NRG4: variants seen among roughly 807,000 people sequenced by gnomAD.
NRG4 encodes pro-neuregulin-4, membrane-bound isoform.
NRG4 carries 10 observed loss-of-function variants against 15.0 expected under a neutral mutation model. The observed-to-expected ratio is 0.67, with a 90% CI of 0.41 to 1.13. The LOEUF (loss-of-function observed/expected upper bound fraction) is 1.13, where lower values mean the gene tolerates loss of function less well. NRG4 is among the 50% of genes most tolerant of loss of function. The pLI is 0.00. For missense variants in NRG4, 139 were observed against 140.2 expected, an observed-to-expected ratio of 0.99 and a Z score of 0.04; for synonymous variants, 41 against 50.1, an observed-to-expected ratio of 0.82 and a Z score of 0.77.
Position 75,969,482 on chromosome 15 carries a change from A to G in NRG4, c.105-7508T>C, listed in dbSNP as rs138331040. Among the ~76,000 whole-genome samples, 6 of 152,368 alleles carry G rather than the reference A, an allele frequency of 3.9e-5. No homozygotes were observed. In the East Asian group the frequency reaches 1.2e-3, roughly 29 times the overall value. Reference sequence around the variant, plus strand: ...ATCTTTAGAGTATACGTTGCCTTTCATTAGCCTTCAGCTTCTTTGAACAGT... The same window carrying G: ...ATCTTTAGAGTATACGTTGCCTTTCGTTAGCCTTCAGCTTCTTTGAACAGT... On this transcript the variant is annotated intron_variant, in intron 3 of 5. Coordinates refer to ENST00000394907, the MANE Select transcript of NRG4 (RefSeq NM_138573.4).
At chr15:76,059,587 C>G (rs926330728) in intron 1 of NRG4, 17 of 152,506 alleles carry the variant, frequency 1.1e-4, no homozygotes, top group African/African-American at 4.1e-4. Context: ...CAAACCCACC[C>G]TTCGCGGCCC....
intron 3 of NRG4, among the ~76,000 whole-genome samples, chr15:75,968,314 G>A (rs907158212): frequency 2.6e-5 from 4 of 152,116 alleles, no homozygotes; most frequent in Non-Finnish European, 4.4e-5. Context: ...AAGGCTGGGT[G>A]TGGTGGCTCA....
intron 5 of NRG4, among the ~76,000 whole-genome samples, chr15:76,023,183 C>CACACACACACACACACAA (rs67858639): frequency 9.3e-4 from 105 of 112,500 alleles, no homozygotes; most frequent in Non-Finnish European, 1.7e-3. Flanking sequence ...CACACACACA[C>CACACACACACACACACAA]AAGCAAGGAC....
intron 5 of NRG4, among the ~76,000 whole-genome samples, chr15:76,019,688 A>T (rs1462016415): frequency 1.3e-5 from 2 of 151,954 alleles, no homozygotes; most frequent in African/African-American, 4.8e-5. Context: ...TGTCTAACCC[A>T]TCCCAATGAG....
At chr15:76,013,506 A>G (rs565800884), upstream of NRG4, among the ~76,000 whole-genome samples, 1 of 151,126 alleles carries the variant, frequency 6.6e-6, no homozygotes, top group Admixed American at 6.6e-5. Context: ...TTAGCCCCCC[A>G]CCCCGACAGG....
chr15:75,970,645 CCTT>C (rs2033049520), intron 3 of NRG4, among the ~76,000 whole-genome samples: 1 of 152,226 alleles, frequency 6.6e-6, no homozygotes, highest in Admixed American at 6.5e-5. Context: ...CCAAGTTAAA[CCTT>C]CTCCCATCAG....
intron 3 of NRG4, among the ~76,000 whole-genome samples, chr15:75,984,910 T>TCTCA (rs2033740908): frequency 6.6e-6 from 1 of 152,206 alleles, no homozygotes; most frequent in Non-Finnish European, 1.5e-5. Context: ...AGTGATGCAA[T>TCTCA]CTCAGTTCAC....
At chr15:76,007,166 C>T (rs1001187191) in intron 3 of NRG4, among the ~76,000 whole-genome samples, 31 of 151,006 alleles carry the variant, frequency 2.1e-4, no homozygotes, top group African/African-American at 7.2e-4. Context: ...GTCATTGAGT[C>T]GAAGAATAAA....
At chr15:76,018,848 C>T (rs750788164) in intron 5 of NRG4, among the ~76,000 whole-genome samples, 5 of 152,156 alleles carry the variant, frequency 3.3e-5, no homozygotes, top group Non-Finnish European at 5.9e-5. Flanking sequence ...TAGCAGAGCT[C>T]GGATGCTGTG....
At chr15:75,958,927 A>G in intron 4 of NRG4, 1 of 183,984 alleles carries the variant, frequency 5.4e-6, no homozygotes, top group Non-Finnish European at 1.2e-5. Context: ...GGGTTGGCAA[A>G]GGAATTTCAT....
intron 5 of NRG4, among the ~76,000 whole-genome samples, chr15:76,028,060 C>CA (rs2035361926): frequency 6.6e-6 from 1 of 151,342 alleles, no homozygotes; most frequent in East Asian, 1.9e-4. Flanking sequence ...AATGTCTACA[C>CA]AAAAAACTAG....
intron 4 of NRG4, among the ~76,000 whole-genome samples, chr15:75,958,727 T>C (rs556969217): frequency 6.6e-6 from 1 of 152,312 alleles, no homozygotes; most frequent in African/African-American, 2.4e-5. Context: ...CCTTCTATTA[T>C]ACCTATACTT....
chr15:76,008,670 T>G (rs906881940), intron 3 of NRG4, among the ~76,000 whole-genome samples: 17 of 152,276 alleles, frequency 1.1e-4, no homozygotes, highest in African/African-American at 2.9e-4. Flanking sequence ...CCACAGTGAA[T>G]TATATTATTT....
chr15:76,059,834 A>AGGCGCGGGCTCGGCCAAGCCGCC (rs1236427714), upstream of NRG4: 1 of 143,158 alleles, frequency 7.0e-6, no homozygotes, highest in Non-Finnish European at 1.5e-5. Flanking sequence ...GCGAGGGCGC[A>AGGCGCGGGCTCGGCCAAGCCGCC]GGCGCGGGCT....
intron 4 of NRG4, among the ~76,000 whole-genome samples, chr15:76,036,222 T>C (rs934933556): frequency 2.6e-5 from 4 of 152,220 alleles, no homozygotes; most frequent in Non-Finnish European, 4.4e-5. Context: ...TGTGGTCTTT[T>C]GAATAACAGC....
chr15:76,031,054 T>C (rs1010001762), intron 5 of NRG4, among the ~76,000 whole-genome samples: 2 of 152,184 alleles, frequency 1.3e-5, no homozygotes, highest in African/African-American at 4.8e-5. Flanking sequence ...TTTATCAGCA[T>C]GGTTGGTCTA....
At chr15:75,952,562 T>C (rs931097624) in intron 5 of NRG4, among the ~76,000 whole-genome samples, 2 of 312 alleles carry the variant, frequency 6.4e-3, no homozygotes, top group Non-Finnish European at 0.059. Context: ...TCATGTGCAT[T>C]TTTTTTTCTT....
At chr15:75,996,930 G>C (rs12898961) in intron 3 of NRG4, among the ~76,000 whole-genome samples, 34,799 of 151,774 alleles carry the variant, frequency 0.23, 4,776 homozygotes, top group Non-Finnish European at 0.31. Context: ...AACACATATT[G>C]GTTGAGAAAC....
chr15:75,984,472 T>C (rs2141857451), intron 3 of NRG4, among the ~76,000 whole-genome samples: 1 of 152,098 alleles, frequency 6.6e-6, no homozygotes. Context: ...AAAGAATGAG[T>C]TCATGTCCTT....
Sources: gnomAD v4.1 joint callset for allele counts (sites outside exome capture counted in the v4.1 genomes callset) on GRCh38, gnomAD v4.1.1 for gene constraint, MANE v1.5 for transcripts, NCBI Gene and HGNC (gene_info 2026-07-23, HGNC 2026-07-21) for gene names.